The following RAPGEF4 variants were observed in gnomAD, a reference collection of about 807,000 sequenced individuals.
RAPGEF4 encodes RAP guanine-nucleotide-exchange factor (GEF) 4.
Under a neutral mutation model 147.9 loss-of-function variants are expected in RAPGEF4, and 66 were observed. That is an observed-to-expected ratio of 0.45 (90% CI 0.37 to 0.55). RAPGEF4 has a LOEUF of 0.55. RAPGEF4 is among the 20% of genes least tolerant of loss of function. The probability of loss-of-function intolerance (pLI) is 0.00; values close to 1 mark genes in which losing one functional copy is unlikely to be tolerated. For missense variants in RAPGEF4, 1,071 were observed against 1,257.3 expected (o/e 0.85, Z 2.24); for synonymous variants, 419 against 442.7 (o/e 0.95, Z 0.67).
chr2:173,004,395 G>T (rs781384107), intron 17 of RAPGEF4, among the ~76,000 whole-genome samples: 15 of 152,058 alleles, frequency 9.9e-5, no homozygotes, highest in Admixed American at 5.2e-4. Flanking sequence ...ATTTAAAATT[G>T]AGTTCAATTT....
In RAPGEF4 at chr2:173,051,708, A is replaced by C; in HGVS notation, c.2977A>C (p.Ile993Leu). Residue 993 changes from isoleucine (I) to leucine (L), a missense_variant, in exon 31 of 31, where the codon ATT becomes CTT. Transcript: ENST00000397081. The part of the protein sequence containing the change: ...VRSYVRQLNV[I>L]DNQRTLSQMS... ...GAGTTATGTACGGCAATTAAATGTG[A>C]TTGACAACCAGAGAACTTTATCACA... 1.9e-6 allele frequency: 3 copies of C among 1,614,036 alleles called. No individual in the cohort carries two copies. Among genetic ancestry groups the C allele is most frequent in the Non-Finnish European group, 2.5e-6 (3 of 1,179,908 alleles).
intron 4 of RAPGEF4, among the ~76,000 whole-genome samples, chr2:172,852,423 C>T (rs1162089802): frequency 1.3e-5 from 2 of 152,252 alleles, no homozygotes; most frequent in South Asian, 2.1e-4. Context: ...CTTTACTTAA[C>T]TCTTATATAG....
chr2:172,966,336 A>G (rs1689838176), intron 9 of RAPGEF4, among the ~76,000 whole-genome samples: 1 of 152,172 alleles, frequency 6.6e-6, no homozygotes, highest in African/African-American at 2.4e-5. Context: ...GGAATCTAGT[A>G]ATGGTTTTGC....
At chr2:172,960,076 G>C (rs981849694) in intron 6 of RAPGEF4, among the ~76,000 whole-genome samples, 3 of 152,096 alleles carry the variant, frequency 2.0e-5, no homozygotes, top group Non-Finnish European at 4.4e-5. Context: ...CTGGGCAACA[G>C]AGCAAGACCC....
intron 1 of RAPGEF4, among the ~76,000 whole-genome samples, chr2:172,770,848 T>A (rs1201452789): frequency 2.0e-5 from 3 of 152,208 alleles, no homozygotes; most frequent in Non-Finnish European, 4.4e-5. Flanking sequence ...AGCCTTTGGA[T>A]GGCCTGAGCT....
intron 1 of RAPGEF4, among the ~76,000 whole-genome samples, chr2:172,756,751 C>G (rs1167944831): frequency 6.6e-6 from 1 of 152,182 alleles, no homozygotes; most frequent in Non-Finnish European, 1.5e-5. Context: ...ATAAAGTAAT[C>G]TGAGCTAACG....
chr2:172,757,125 G>A (rs1384125424), intron 1 of RAPGEF4, among the ~76,000 whole-genome samples: 1 of 152,238 alleles, frequency 6.6e-6, no homozygotes, highest in Non-Finnish European at 1.5e-5. Flanking sequence ...TGGATTTGCA[G>A]CAATAAACAA....
intron 1 of RAPGEF4, among the ~76,000 whole-genome samples, chr2:172,768,226 G>C (rs1264698605): frequency 3.3e-5 from 5 of 152,184 alleles, no homozygotes; most frequent in Non-Finnish European, 5.9e-5. Context: ...TAAAGTCAAG[G>C]AGGGAGCTCA....
At chr2:172,984,672 G>A (rs926707670) in intron 11 of RAPGEF4, among the ~76,000 whole-genome samples, 4 of 152,154 alleles carry the variant, frequency 2.6e-5, no homozygotes, top group Admixed American at 1.3e-4. Context: ...CATATATACA[G>A]GGCAGAAAGC....
At chr2:172,904,351 A>G (rs1298737772) in intron 4 of RAPGEF4, among the ~76,000 whole-genome samples, 1 of 152,242 alleles carries the variant, frequency 6.6e-6, no homozygotes, top group Non-Finnish European at 1.5e-5. Flanking sequence ...ACTGGACTGT[A>G]GTAGATTCAG....
At chr2:172,850,631 T>A (rs914244103) in intron 4 of RAPGEF4, among the ~76,000 whole-genome samples, 4 of 151,322 alleles carry the variant, frequency 2.6e-5, no homozygotes, top group African/African-American at 9.7e-5. Context: ...AAAAAAAAAA[T>A]TAACAGATAT....
intron 4 of RAPGEF4, among the ~76,000 whole-genome samples, chr2:172,820,553 A>G (rs768695482): frequency 5.9e-5 from 9 of 152,198 alleles, no homozygotes; most frequent in Non-Finnish European, 1.2e-4. Flanking sequence ...AAAACGTGTC[A>G]TGGAGAGCCG....
chr2:172,831,199 A>G (rs955847340), intron 4 of RAPGEF4, among the ~76,000 whole-genome samples: 3 of 148,444 alleles, frequency 2.0e-5, no homozygotes, highest in East Asian at 2.0e-4. Flanking sequence ...TTGAACCCCT[A>G]TTAGCACCGT....
intron 4 of RAPGEF4, among the ~76,000 whole-genome samples, chr2:172,851,780 C>T (rs1692857130): frequency 6.6e-6 from 1 of 152,006 alleles, no homozygotes. Flanking sequence ...GAACAATAGA[C>T]ACCAGGGCCT....
At chr2:172,962,283 C>A (rs1385153230) in intron 8 of RAPGEF4, among the ~76,000 whole-genome samples, 1 of 152,104 alleles carries the variant, frequency 6.6e-6, no homozygotes, top group Non-Finnish European at 1.5e-5. Context: ...ACCTCAGAAC[C>A]CATCAGCATT....
chr2:172,852,681 A>T (rs1279868322), intron 4 of RAPGEF4, among the ~76,000 whole-genome samples: 1 of 152,152 alleles, frequency 6.6e-6, no homozygotes, highest in Non-Finnish European at 1.5e-5. Flanking sequence ...GGGTGAATAG[A>T]AGTGGTGATA....
At chr2:173,013,436 A>T (rs541305843) in intron 17 of RAPGEF4, among the ~76,000 whole-genome samples, 33 of 152,356 alleles carry the variant, frequency 2.2e-4, no homozygotes, top group African/African-American at 7.7e-4. Flanking sequence ...TTTCATCACA[A>T]GGCTATAAAG....
intron 3 of RAPGEF4, among the ~76,000 whole-genome samples, chr2:172,799,983 C>T (rs1019168200): frequency 2.1e-4 from 32 of 152,046 alleles, no homozygotes; most frequent in Admixed American, 8.5e-4. Flanking sequence ...CTATAATAAC[C>T]CATAATAGCA....
intron 4 of RAPGEF4, among the ~76,000 whole-genome samples, chr2:172,868,375 T>C (rs1694850664): frequency 6.6e-6 from 1 of 152,228 alleles, no homozygotes; most frequent in African/African-American, 2.4e-5. Context: ...GAGTCCTGTA[T>C]TTCATTTTGT....
Sources: gnomAD v4.1 joint callset for allele counts (sites outside exome capture counted in the v4.1 genomes callset) on GRCh38, gnomAD v4.1.1 for gene constraint, MANE v1.5 for transcripts, NCBI Gene and HGNC (gene_info 2026-07-23, HGNC 2026-07-21) for gene names.